GRK4: variants seen among roughly 807,000 people sequenced by gnomAD.
GRK4 encodes the protein G protein-coupled receptor kinase 2-like.
In GRK4, 73 loss-of-function variants were observed where a neutral mutation model predicts 77.9. That is an observed-to-expected ratio of 0.94 (90% CI 0.78 to 1.14). GRK4 has a LOEUF of 1.14. Among genes scored for constraint, GRK4 ranks in the 50% most tolerant of loss-of-function variants. The probability of loss-of-function intolerance (pLI) is 0.00; values close to 1 mark genes in which losing one functional copy is unlikely to be tolerated. For synonymous variants in GRK4, 257 were observed against 254.4 expected (o/e 1.01, Z -0.10); for missense variants, 729 against 700.2 (o/e 1.04, Z -0.46).
intron 13 of GRK4, among the ~76,000 whole-genome samples, chr4:3,036,516 G>A (rs898044705): frequency 3.9e-5 from 6 of 152,234 alleles, no homozygotes; most frequent in South Asian, 2.1e-4. Context: ...GGGTGCCTCC[G>A]GCATGAGCAG....
chr4:3,030,981 C>T (rs763318310), intron 12 of GRK4, among the ~76,000 whole-genome samples: 2 of 152,118 alleles, frequency 1.3e-5, no homozygotes, highest in African/African-American at 2.4e-5. Flanking sequence ...GTAAAGGTGA[C>T]GCAGACCTCG....
chr4:2,999,642 C>G (rs1200939105), intron 4 of GRK4, among the ~76,000 whole-genome samples: 1 of 152,142 alleles, frequency 6.6e-6, no homozygotes, highest in Non-Finnish European at 1.5e-5. Flanking sequence ...CCAAATCCAT[C>G]AAAGGCCTAA....
intron 5 of GRK4, among the ~76,000 whole-genome samples, chr4:3,006,629 C>G (rs531514889): frequency 2.2e-4 from 33 of 152,106 alleles, no homozygotes; most frequent in African/African-American, 7.7e-4. Context: ...CAAAAATTAG[C>G]CAGGCATAGT....
At chr4:3,011,858 G>A (rs111813517) in intron 7 of GRK4, among the ~76,000 whole-genome samples, 2,475 of 152,266 alleles carry the variant, frequency 0.016, 57 homozygotes, top group African/African-American at 0.057. Flanking sequence ...TGAGCACAAT[G>A]GTAAAGGAAT....
intron 7 of GRK4, among the ~76,000 whole-genome samples, chr4:3,010,015 G>A (rs1732430442): frequency 6.6e-6 from 1 of 152,128 alleles, no homozygotes; most frequent in South Asian, 2.1e-4. Context: ...CCGCATTGTG[G>A]AATTTCCATG....
intron 3 of GRK4, among the ~76,000 whole-genome samples, chr4:2,989,699 T>G (rs542184900): frequency 6.6e-6 from 1 of 152,348 alleles, no homozygotes; most frequent in African/African-American, 2.4e-5. Flanking sequence ...CAGAAGCATA[T>G]GGAAGGGATA....
chr4:2,992,429 C>A, intron 4 of GRK4, 137 bp downstream of exon 4: 1 of 563,642 alleles, frequency 1.8e-6, no homozygotes. Flanking sequence ...CCTGTAATCC[C>A]AGCACTTCGG....
At chr4:3,036,738 G>A (rs1045861405) in intron 13 of GRK4, among the ~76,000 whole-genome samples, 2 of 152,184 alleles carry the variant, frequency 1.3e-5, no homozygotes, top group East Asian at 1.9e-4. Flanking sequence ...GGAGCTGAGC[G>A]GAGGGATGAG....
intron 10 of GRK4, among the ~76,000 whole-genome samples, chr4:3,024,075 C>G (rs1418887689): frequency 2.0e-5 from 3 of 152,118 alleles, no homozygotes; most frequent in Non-Finnish European, 2.9e-5. Flanking sequence ...TGTCTTTCCC[C>G]AGTGCTAACT....
At chr4:3,032,561 C>G (rs947961748) in intron 12 of GRK4, among the ~76,000 whole-genome samples, 4 of 152,062 alleles carry the variant, frequency 2.6e-5, no homozygotes, top group African/African-American at 7.2e-5. Flanking sequence ...AGATGAAATC[C>G]GTGGTGTTGG....
intron 7 of GRK4, among the ~76,000 whole-genome samples, chr4:3,010,490 G>A (rs1732598074): frequency 6.6e-6 from 1 of 152,162 alleles, no homozygotes; most frequent in African/African-American, 2.4e-5. Context: ...GCCTCCCAAA[G>A]TGCTGGGATT....
chr4:3,011,941 G>A (rs1347631299), intron 7 of GRK4, among the ~76,000 whole-genome samples: 1 of 152,164 alleles, frequency 6.6e-6, no homozygotes. Flanking sequence ...TCAGACGTGG[G>A]CAGACCCGAG....
rs572812378 is a variant in GRK4 at position 3,023,308 on chromosome 4, G to C, written c.970+857G>C. ...AAGGATGGTTGCACTGCTGGGGAGGGTGGTTGTGCTCACACATAGCTCACA... is the reference window on the plus strand; with the variant it reads ...AAGGATGGTTGCACTGCTGGGGAGGCTGGTTGTGCTCACACATAGCTCACA... On this transcript the variant is annotated intron_variant, in intron 10 of 15. Coordinates refer to ENST00000398052, the MANE Select transcript of GRK4 (RefSeq NM_182982.3). Among the ~76,000 whole-genome samples the C allele has an allele frequency of 7.2e-5, 11 of 152,314 alleles. No individual in the cohort carries two copies. In the East Asian group the frequency reaches 2.1e-3, roughly 29 times the overall value.
chr4:2,985,205 G>T (rs1723934318), intron 2 of GRK4, among the ~76,000 whole-genome samples: 1 of 151,754 alleles, frequency 6.6e-6, no homozygotes, highest in Non-Finnish European at 1.5e-5. Context: ...GAGGTCAGGA[G>T]ATCGAGACCA....
rs368506630 is a variant in GRK4, at chr4:3,001,073, CTA to C, written c.340-3142_340-3141del. Among the ~76,000 whole-genome samples the C allele has an allele frequency of 6.2e-4, 47 of 76,088 alleles. 1 individual carries two copies. Among genetic ancestry groups the C allele is most frequent in the South Asian group, 1.5e-3 (5 of 3,324 alleles). 49.9% of individuals were successfully genotyped at this position (76,088 alleles called of 152,430 possible). On this transcript the variant is annotated intron_variant, in intron 4 of 15. Transcript: ENST00000398052. The stretch of plus-strand genomic sequence containing the variant: ...GTGGTGGTTGTAGGGCTAAATGAGA[CTA>C]TATATATATATATATGTGTGTGTGT...
chr4:2,977,514 A>G (rs1363472928), intron 1 of GRK4, among the ~76,000 whole-genome samples: 1 of 152,178 alleles, frequency 6.6e-6, no homozygotes, highest in African/African-American at 2.4e-5. Flanking sequence ...GTAACAGGTA[A>G]ACCTTAAAAT....
intron 1 of GRK4, among the ~76,000 whole-genome samples, chr4:2,983,305 C>G (rs1297051459): frequency 6.6e-6 from 1 of 152,166 alleles, no homozygotes; most frequent in Non-Finnish European, 1.5e-5. Context: ...CCTAATTCTT[C>G]CAAATGGTCC....
Position 3,013,757 on chromosome 4 carries a change from A to G in GRK4, c.670A>G (p.Lys224Glu). 1.2e-6 allele frequency: 2 copies of G among 1,613,720 alleles called. No homozygotes were observed. The highest frequency in any genetic ancestry group is 2.2e-5 in the East Asian group (1 of 44,884). The change falls in exon 8 of 16, where the codon AAG (lysine) becomes GAG (glutamate). Residue 224 changes from lysine to glutamate, a missense_variant. Coordinates refer to ENST00000398052, the MANE Select transcript of GRK4 (RefSeq NM_182982.3). The part of the protein sequence containing the change: ...ACKKLQKKRI[K>E]KRKGEAMALN... ...CAAAAAGCTACAAAAAAAAAGAATA[A>G]AGAAGAGGAAAGGTGAAGCTATGGC...
At chr4:3,036,203 G>T (rs923787054) in intron 13 of GRK4, among the ~76,000 whole-genome samples, 1 of 152,174 alleles carries the variant, frequency 6.6e-6, no homozygotes, top group Admixed American at 6.5e-5. Flanking sequence ...TGCTTCCTTT[G>T]TCTGGAACGC....
Sources: allele counts gnomAD v4.1 joint callset (sites outside exome capture counted in the v4.1 genomes callset), GRCh38; gene constraint gnomAD v4.1.1; transcripts MANE v1.5; gene names NCBI Gene and HGNC (gene_info 2026-07-23, HGNC 2026-07-21).